BICD2: variants seen among roughly 807,000 people sequenced by gnomAD.
BICD2 encodes protein bicaudal D homolog 2.
A neutral mutation model predicts 72.9 loss-of-function variants in BICD2; 25 were observed. The ratio of observed to expected loss-of-function variants is 0.34; its 90% CI spans 0.25 to 0.48. BICD2 has a LOEUF of 0.48. Among genes scored for constraint, BICD2 ranks in the 20% least tolerant of loss-of-function variants. BICD2 has a pLI of 0.99. For missense variants in BICD2, 894 were observed against 1,175.2 expected, an observed-to-expected ratio of 0.76 and a Z score of 3.50; for synonymous variants, 501 against 516.1, an observed-to-expected ratio of 0.97 and a Z score of 0.40.
rs566093008 is a variant in BICD2, at chr9:92,731,476, A to T, written c.241-2240T>A. ...AGAACTACCTTCTGTGTGAAAACTT[A>T]AAAAAAAAAAAGAAAAAGAAAAAAA... On this transcript the variant is annotated intron_variant, in intron 1 of 6. Coordinates refer to ENST00000356884, the MANE Select transcript of BICD2 (RefSeq NM_001003800.2). Among the ~76,000 whole-genome samples the T allele has an allele frequency of 6.2e-5, 9 of 144,150 alleles. No homozygotes were observed. In the South Asian group the frequency reaches 2.0e-3, roughly 31 times the overall value. The allele number at this position is 144,150 out of a possible 152,430, so 94.6% of individuals were successfully genotyped here. A position where few individuals can be genotyped will look rare whatever the true frequency, so the allele number is the denominator to read the frequency against.
intron 1 of BICD2, among the ~76,000 whole-genome samples, chr9:92,752,662 T>A (rs1259597696): frequency 2.6e-5 from 4 of 151,852 alleles, no homozygotes; most frequent in Non-Finnish European, 5.9e-5. Flanking sequence ...GAGACTGAGG[T>A]GGAAAGATCA....
chr9:92,754,572 C>T (rs1409469763), intron 1 of BICD2, among the ~76,000 whole-genome samples: 1 of 152,132 alleles, frequency 6.6e-6, no homozygotes, highest in Non-Finnish European at 1.5e-5. Context: ...AATGAGATGC[C>T]ATTATCTGTT....
chr9:92,745,874 C>T (rs1025346523), intron 1 of BICD2, among the ~76,000 whole-genome samples: 7 of 152,218 alleles, frequency 4.6e-5, no homozygotes, highest in Admixed American at 6.5e-5. Context: ...GCTCAATTGT[C>T]TGACCAGTGC....
At chr9:92,747,565 C>G (rs1208561713) in intron 1 of BICD2, among the ~76,000 whole-genome samples, 3 of 152,130 alleles carry the variant, frequency 2.0e-5, no homozygotes, top group Non-Finnish European at 4.4e-5. Flanking sequence ...AGCAGCTGTC[C>G]CAGGACAGCA....
chr9:92,718,821 C>G lies in BICD2; in HGVS notation c.1824G>C (p.Ser608=), dbSNP rs763961540. The G allele has an allele frequency of 2.2e-5, 35 of 1,612,124 alleles. No individual in the cohort carries two copies. The African/African-American group carries it at 4.0e-4, about 18-fold the overall frequency. The stretch of plus-strand genomic sequence containing the variant: ...GGGGTGATGGCAGTGAGGAGCCAGG[C>G]GAGGGGCTGCTGTCCCCCGTCCCAC... ...ADGGTGDSSP[S]PGSSLPSPLS... is the part of the protein sequence containing the mutation. Residue 608 remains serine (S), a synonymous_variant, in exon 5 of 7, where the codon TCG becomes TCC. Coordinates refer to ENST00000356884, the MANE Select transcript of BICD2 (RefSeq NM_001003800.2).
At chr9:92,723,188 G>A (rs913669235) in intron 2 of BICD2, among the ~76,000 whole-genome samples, 11 of 152,234 alleles carry the variant, frequency 7.2e-5, no homozygotes, top group Non-Finnish European at 2.9e-5. Context: ...ACAGCCTGCA[G>A]GTGCTGCAAC....
chr9:92,746,254 G>A (rs1316574586), intron 1 of BICD2, among the ~76,000 whole-genome samples: 1 of 152,194 alleles, frequency 6.6e-6, no homozygotes, highest in Non-Finnish European at 1.5e-5. Flanking sequence ...AGCATTGGCC[G>A]GGCATGGTGG....
Position 92,764,424 on chromosome 9 carries a change from C to A in BICD2, c.240+81G>T. 1 of 1,385,244 alleles carries A rather than the reference C, an allele frequency of 7.2e-7. No individual in the cohort carries two copies. Among genetic ancestry groups the A allele is most frequent in the Admixed American group, 3.4e-5 (1 of 29,022 alleles). The allele number at this position is 1,385,244 out of a possible 1,614,324, so 85.8% of individuals were successfully genotyped here. ...GCCGGCCCCCGCTTGGCAAGCTGAC[C>A]TTGGCCGCCCTGGTGCCAGGGACGA... is the stretch of plus-strand genomic sequence containing the variant. On this transcript the variant is annotated intron_variant, in intron 1 of 6. Transcript: ENST00000356884. This position sits in a 1 kb window ranked among gnomAD's most constrained non-coding sequence, Gnocchi z 5.5.
intron 2 of BICD2, among the ~76,000 whole-genome samples, chr9:92,723,416 G>T (rs546994814): frequency 1.3e-4 from 20 of 152,374 alleles, no homozygotes; most frequent in Non-Finnish European, 2.9e-4. Flanking sequence ...GCTACAACAT[G>T]AATGACCCGT....
rs770331418 is a variant in BICD2 at position 92,720,473 on chromosome 9, C to T, written c.889G>A (p.Glu297Lys). 11 of 1,614,036 alleles carry T rather than the reference C, an allele frequency of 6.8e-6. No individual in the cohort carries two copies. Among genetic ancestry groups the T allele is most frequent in the African/African-American group, 1.3e-5 (1 of 74,914 alleles). Reference protein sequence around the residue: ...DDAAEPNNDAEALVNGFEHGG... With the variant: ...DDAAEPNNDAKALVNGFEHGG... Reference sequence around the variant, plus strand: ...TGCTCAAAGCCATTGACCAGGGCCTCGGCATCGTTGTTGGGCTCGGCAGCA... The same window carrying T: ...TGCTCAAAGCCATTGACCAGGGCCTTGGCATCGTTGTTGGGCTCGGCAGCA... Residue 297 changes from glutamate to lysine, a missense_variant, in exon 4 of 7, where the codon GAG becomes AAG. Glu to Lys is a moderately conservative substitution (Grantham distance 56). Around this residue, in one of 5 missense-constraint regions of BICD2, gnomAD observed 371 missense variants for 439.1 expected, o/e 0.84. Coordinates refer to ENST00000356884, the MANE Select transcript of BICD2 (RefSeq NM_001003800.2). The surrounding 1 kb of genome is among the most constrained non-coding windows in gnomAD (Gnocchi z 5.4).
intron 1 of BICD2, among the ~76,000 whole-genome samples, chr9:92,752,545 A>C (rs929693425): frequency 2.0e-5 from 3 of 152,214 alleles, no homozygotes; most frequent in African/African-American, 7.2e-5. Context: ...AGATAGGAGA[A>C]GTACATAAGC....
chr9:92,715,507 CAG>C (rs1482924750), intron 6 of BICD2, 44 bp from the exon 7 acceptor site: 2 of 1,541,032 alleles, frequency 1.3e-6, no homozygotes, highest in Admixed American at 1.8e-5. Flanking sequence ...CAGAGCCGAG[CAG>C]AGGAGGGCAG....
chr9:92,719,463 C>T lies in BICD2; in HGVS notation c.1182G>A (p.Leu394=). ...TGGCCTGCAGGCGCCGCAGGGCACTCAGATTCTCTGTGAGGCGGGTCACCT... is the reference window on the plus strand; with the variant it reads ...TGGCCTGCAGGCGCCGCAGGGCACTTAGATTCTCTGTGAGGCGGGTCACCT... ...QEKVTRLTEN[L]SALRRLQASK... is the part of the protein sequence containing the mutation. Residue 394 remains leucine, a synonymous_variant, in exon 5 of 7, where the codon CTG becomes CTA. Transcript: ENST00000356884. 2 of 1,614,120 alleles carry T rather than the reference C, an allele frequency of 1.2e-6. No individual in the cohort carries two copies. The highest frequency in any genetic ancestry group is 2.2e-5 in the South Asian group (2 of 91,082).
At chr9:92,760,626 G>A (rs753538375) in intron 1 of BICD2, among the ~76,000 whole-genome samples, 1 of 152,168 alleles carries the variant, frequency 6.6e-6, no homozygotes, top group Non-Finnish European at 1.5e-5. Flanking sequence ...AACAATTAGT[G>A]ACAACAGTGT....
chr9:92,741,820 T>C (rs1853902778), intron 1 of BICD2, among the ~76,000 whole-genome samples: 1 of 152,226 alleles, frequency 6.6e-6, no homozygotes, highest in Non-Finnish European at 1.5e-5. Flanking sequence ...AATTCCTATT[T>C]TTTGCAGGTG....
chr9:92,715,595 G>A (rs954648870), intron 6 of BICD2, 132 bp from the exon 7 acceptor site: 1 of 880,060 alleles, frequency 1.1e-6, no homozygotes, highest in African/African-American at 1.7e-5. Flanking sequence ...CCTCTGGACT[G>A]GAGGGTGTGG....
At chr9:92,754,539 C>T (rs918642982) in intron 1 of BICD2, among the ~76,000 whole-genome samples, 1 of 152,158 alleles carries the variant, frequency 6.6e-6, no homozygotes, top group African/African-American at 2.4e-5. Context: ...AATCAGTGAA[C>T]AGGGAAGTGC....
chr9:92,749,181 G>A (rs1456275913), intron 1 of BICD2, among the ~76,000 whole-genome samples: 1 of 152,062 alleles, frequency 6.6e-6, no homozygotes, highest in East Asian at 1.9e-4. Context: ...CAGGAAAAGA[G>A]GGTGGGGCCT....
chr9:92,719,677 T>C, intron 4 of BICD2, 95 bp from the exon 5 acceptor site: 3 of 1,335,348 alleles, frequency 2.2e-6, no homozygotes, highest in Middle Eastern at 1.9e-4. Flanking sequence ...TCCCACCCCA[T>C]GTCAGGGCAG....
Sources: gnomAD v4.1 joint callset for allele counts (sites outside exome capture counted in the v4.1 genomes callset) on GRCh38, gnomAD v4.1.1 for gene constraint, gnomAD v4.1.1 regional missense constraint, Gnocchi (gnomAD v3.1) non-coding constraint, MANE v1.5 for transcripts, NCBI Gene and HGNC (gene_info 2026-07-23, HGNC 2026-07-21) for gene names.